Variants in LINGO2 observed in about 807,000 individuals in gnomAD.
The protein encoded by LINGO2 is leucine-rich repeat and immunoglobulin-like domain-containing nogo receptor-interacting protein 2.
A neutral mutation model predicts 30.6 loss-of-function variants in LINGO2; 14 were observed. That is an observed-to-expected ratio of 0.46 (90% CI 0.30 to 0.72). The LOEUF (loss-of-function observed/expected upper bound fraction) is 0.72. Ranked by LOEUF, LINGO2 falls within the 30% of genes least tolerant of loss-of-function variation. LINGO2 has a pLI of 0.07. For synonymous variants in LINGO2, 317 were observed against 288.5 expected, an observed-to-expected ratio of 1.10 and a Z score of -1.00; for missense variants, 729 against 751.7, an observed-to-expected ratio of 0.97 and a Z score of 0.35.
chr9:28,307,979 C>G (rs555098518), intron 3 of LINGO2, among the ~76,000 whole-genome samples: 18 of 151,860 alleles, frequency 1.2e-4, no homozygotes, highest in African/African-American at 3.6e-4. Context: ...TAGGAAGAAT[C>G]AATATCGTGA....
intron 4 of LINGO2, among the ~76,000 whole-genome samples, chr9:28,060,390 G>T (rs1479739572): frequency 6.6e-6 from 1 of 152,024 alleles, no homozygotes; most frequent in Non-Finnish European, 1.5e-5. Flanking sequence ...GCTAACACTT[G>T]GTTTCTTACT....
At chr9:28,745,778 A>G in the LINGO2 span, among the ~76,000 whole-genome samples, 1 of 152,046 alleles carries the variant, frequency 6.6e-6, no homozygotes, top group Non-Finnish European at 1.5e-5. Context: ...AGGTAAGAGA[A>G]TATGGCTTCA....
the LINGO2 span, among the ~76,000 whole-genome samples, chr9:29,059,862 T>G: frequency 6.6e-6 from 1 of 151,962 alleles, no homozygotes; most frequent in Non-Finnish European, 1.5e-5. Context: ...AAATTGAACT[T>G]CCTCAAAATT....
At chr9:28,309,387 A>C (rs1025901771) in intron 3 of LINGO2, among the ~76,000 whole-genome samples, 1 of 150,204 alleles carries the variant, frequency 6.7e-6, no homozygotes, top group Non-Finnish European at 1.5e-5. Flanking sequence ...AACAATGAGA[A>C]CACATGGACA....
intron 2 of LINGO2, among the ~76,000 whole-genome samples, chr9:28,408,697 C>G: frequency 6.8e-6 from 1 of 146,978 alleles, no homozygotes; most frequent in East Asian, 2.0e-4. Flanking sequence ...TGCAGCACAC[C>G]AACATGGTAC....
chr9:28,421,584 G>A (rs1277350141), intron 2 of LINGO2, among the ~76,000 whole-genome samples: 1 of 151,828 alleles, frequency 6.6e-6, no homozygotes, highest in Non-Finnish European at 1.5e-5. Flanking sequence ...CAGGACCAAG[G>A]GAGTACCAAA....
the LINGO2 span, among the ~76,000 whole-genome samples, chr9:29,009,237 T>C: frequency 6.6e-6 from 1 of 152,136 alleles, no homozygotes; most frequent in Non-Finnish European, 1.5e-5. Context: ...AAAGAGGAAG[T>C]CAAATTGTCC....
rs898089550 is a variant in LINGO2 at position 28,256,405 on chromosome 9, C to T, written c.-87+38803G>A. 2.6e-5 allele frequency among the ~76,000 whole-genome samples: 4 copies of T among 151,818 alleles called. No individual in the cohort carries two copies. In the East Asian group the frequency reaches 5.8e-4, roughly 22 times the overall value. ...GACAAATATGTCCTTCATGCTAGAC[C>T]GAATTCCAGGGGACGTAGAAGTAAG... On this transcript the variant is annotated intron_variant, in intron 4 of 5. Coordinates refer to ENST00000379992, the Ensembl canonical transcript of LINGO2.
chr9:28,053,224 G>A lies in LINGO2; in HGVS notation c.-86-40819C>T, dbSNP rs1824759292. On this transcript the variant is annotated intron_variant, in intron 4 of 5. Coordinates refer to ENST00000379992, the Ensembl canonical transcript of LINGO2. ...CATGTAGCATTTATACTGAGTCCTG[G>A]AGAATGGAGAGGAATTACATGACAA... 2.0e-5 allele frequency among the ~76,000 whole-genome samples: 3 copies of A among 152,002 alleles called. No homozygotes were observed. The South Asian group carries it at 6.2e-4, about 31-fold the overall frequency.
intron 5 of LINGO2, among the ~76,000 whole-genome samples, chr9:27,992,611 T>C (rs972223812): frequency 3.9e-5 from 6 of 152,068 alleles, no homozygotes; most frequent in African/African-American, 1.4e-4. Context: ...ACTAATTTAA[T>C]AATATAAAGT....
chr9:28,310,030 G>C (rs546158344), intron 3 of LINGO2, among the ~76,000 whole-genome samples: 24 of 152,216 alleles, frequency 1.6e-4, no homozygotes, highest in Admixed American at 5.9e-4. Flanking sequence ...TGTGGAGGAA[G>C]CTAAACTTTT....
At chr9:28,804,073 G>A in the LINGO2 span, among the ~76,000 whole-genome samples, 71 of 152,100 alleles carry the variant, frequency 4.7e-4, no homozygotes, top group African/African-American at 1.7e-3. Flanking sequence ...ATAGTTTAGA[G>A]AACTGGGCCT....
chr9:28,314,877 C>T (rs535642553), intron 3 of LINGO2, among the ~76,000 whole-genome samples: 5 of 151,158 alleles, frequency 3.3e-5, no homozygotes, highest in African/African-American at 7.3e-5. Context: ...CCCAGCTACT[C>T]GGGAGGCTGA....
At chr9:28,611,853 C>T (rs1410713445) in intron 1 of LINGO2, among the ~76,000 whole-genome samples, 2 of 151,646 alleles carry the variant, frequency 1.3e-5, no homozygotes, top group Admixed American at 6.6e-5. Flanking sequence ...CAGAGTCACG[C>T]TCTGTCGCCC....
intron 4 of LINGO2, among the ~76,000 whole-genome samples, chr9:28,026,712 C>T (rs568818045): frequency 7.2e-5 from 11 of 152,214 alleles, no homozygotes; most frequent in African/African-American, 2.2e-4. Flanking sequence ...CCGTTCCTTC[C>T]CTCTGCCCTG....
the LINGO2 span, among the ~76,000 whole-genome samples, chr9:28,875,342 C>T: frequency 6.6e-6 from 1 of 152,018 alleles, no homozygotes. Flanking sequence ...CAAAATTATA[C>T]ATATTTTATG....
At chr9:28,696,476 T>C in the LINGO2 span, among the ~76,000 whole-genome samples, 1 of 151,944 alleles carries the variant, frequency 6.6e-6, no homozygotes, top group Non-Finnish European at 1.5e-5. Context: ...GAGTCTCCAA[T>C]AGAGCTTTAA....
intron 2 of LINGO2, among the ~76,000 whole-genome samples, chr9:28,464,870 T>A (rs549647743): frequency 2.9e-4 from 44 of 152,256 alleles, no homozygotes; most frequent in African/African-American, 9.9e-4. Context: ...GGAATAATAT[T>A]GAGACAGGAT....
chr9:28,059,810 G>T (rs780793193), intron 4 of LINGO2, among the ~76,000 whole-genome samples: 2 of 151,998 alleles, frequency 1.3e-5, no homozygotes, highest in African/African-American at 2.4e-5. Context: ...TTACTTGAAG[G>T]AAAGGATACT....
Sources: allele counts gnomAD v4.1 joint callset (sites outside exome capture counted in the v4.1 genomes callset), GRCh38; gene constraint gnomAD v4.1.1; transcripts MANE v1.5; gene names NCBI Gene and HGNC (gene_info 2026-07-23, HGNC 2026-07-21).